ST6GALNAC3: variants seen among roughly 807,000 people sequenced by gnomAD.
ST6GALNAC3 encodes the protein alpha-N-acetylgalactosaminide alpha-2,6-sialyltransferase 3.
Under a neutral mutation model 32.7 loss-of-function variants are expected in ST6GALNAC3, and 25 were observed. The observed-to-expected ratio is 0.76, with a 90% CI of 0.56 to 1.07. The LOEUF is 1.07. ST6GALNAC3 is among the 50% of genes least tolerant of loss of function. The pLI is 0.00. For missense variants in ST6GALNAC3, 355 were observed against 382.4 expected, an observed-to-expected ratio of 0.93 and a Z score of 0.60; for synonymous variants, 129 against 133.1, an observed-to-expected ratio of 0.97 and a Z score of 0.21.
intron 1 of ST6GALNAC3, among the ~76,000 whole-genome samples, chr1:76,204,040 C>T (rs929858747): frequency 1.3e-5 from 2 of 152,074 alleles, no homozygotes; most frequent in South Asian, 4.1e-4. Flanking sequence ...CTTTGTTTAT[C>T]CCCTTACCCC....
intron 1 of ST6GALNAC3, among the ~76,000 whole-genome samples, chr1:76,312,032 TG>T (rs1428704472): frequency 3.9e-5 from 6 of 152,322 alleles, no homozygotes; most frequent in African/African-American, 1.4e-4. Flanking sequence ...TAATGAATAG[TG>T]ATGATGACCT....
At chr1:76,472,557 T>G (rs1232405542) in intron 3 of ST6GALNAC3, among the ~76,000 whole-genome samples, 2 of 152,116 alleles carry the variant, frequency 1.3e-5, no homozygotes, top group Non-Finnish European at 2.9e-5. Context: ...AAACCCAGAC[T>G]CTGCTACTCA....
intron 3 of ST6GALNAC3, among the ~76,000 whole-genome samples, chr1:76,574,733 G>T: frequency 6.6e-6 from 1 of 152,058 alleles, no homozygotes; most frequent in East Asian, 1.9e-4. Flanking sequence ...GCCCTGAAAG[G>T]GTCTAAGGTG....
intron 2 of ST6GALNAC3, among the ~76,000 whole-genome samples, chr1:76,341,607 TTC>T (rs1456201682): frequency 7.8e-4 from 44 of 56,730 alleles, no homozygotes; most frequent in African/African-American, 3.3e-3. Context: ...CAAACTGCTT[TTC>T]TTTCTTTCTT....
intron 1 of ST6GALNAC3, among the ~76,000 whole-genome samples, chr1:76,271,591 A>G (rs986341008): frequency 6.6e-6 from 1 of 152,256 alleles, no homozygotes; most frequent in African/African-American, 2.4e-5. Context: ...CTATCTGGAA[A>G]GTCTAGCAGA....
chr1:76,202,303 T>TGTAC (rs398069496), intron 1 of ST6GALNAC3, among the ~76,000 whole-genome samples: 3 of 148,616 alleles, frequency 2.0e-5, no homozygotes, highest in Non-Finnish European at 4.5e-5. Flanking sequence ...TGTGTGTGTG[T>TGTAC]ATGTACATAC....
intron 3 of ST6GALNAC3, among the ~76,000 whole-genome samples, chr1:76,609,765 T>C (rs1647797963): frequency 6.6e-6 from 1 of 152,190 alleles, no homozygotes; most frequent in African/African-American, 2.4e-5. Context: ...ACCCTTCATT[T>C]CCAAATATTA....
intron 1 of ST6GALNAC3, among the ~76,000 whole-genome samples, chr1:76,135,140 CAA>C (rs758939947): frequency 1.5e-5 from 2 of 130,054 alleles, no homozygotes; most frequent in Admixed American, 7.7e-5. Context: ...AGACTCTGCT[CAA>C]AAAAAAAAAA....
At chr1:76,496,378 G>C (rs749585992) in intron 3 of ST6GALNAC3, among the ~76,000 whole-genome samples, 2 of 152,278 alleles carry the variant, frequency 1.3e-5, no homozygotes, top group East Asian at 1.9e-4. Flanking sequence ...CCCATACCGG[G>C]CATTCTGGCT....
chr1:76,469,324 C>A (rs1658866168), intron 3 of ST6GALNAC3, among the ~76,000 whole-genome samples: 1 of 151,980 alleles, frequency 6.6e-6, no homozygotes, highest in Admixed American at 6.6e-5. Context: ...TCTAATAGTA[C>A]AGAACATAGC....
At chr1:76,255,645 A>G (rs2100711321) in intron 1 of ST6GALNAC3, among the ~76,000 whole-genome samples, 1 of 152,202 alleles carries the variant, frequency 6.6e-6, no homozygotes. Context: ...TTAGTGTCTT[A>G]TGCCCTATAT....
intron 3 of ST6GALNAC3, among the ~76,000 whole-genome samples, chr1:76,447,795 G>A (rs1657091499): frequency 6.6e-6 from 1 of 152,176 alleles, no homozygotes; most frequent in South Asian, 2.1e-4. Context: ...CTCAAGAATT[G>A]AGGTTTGGGA....
At chr1:76,404,222 TG>T (rs2101236306) in intron 2 of ST6GALNAC3, among the ~76,000 whole-genome samples, 1 of 152,212 alleles carries the variant, frequency 6.6e-6, no homozygotes, top group East Asian at 1.9e-4. Context: ...TTATCAAATC[TG>T]TCTTTTTATG....
At chr1:76,261,126 A>G (rs894085426) in intron 1 of ST6GALNAC3, among the ~76,000 whole-genome samples, 2 of 152,122 alleles carry the variant, frequency 1.3e-5, no homozygotes, top group African/African-American at 4.8e-5. Context: ...TAGTGTTATT[A>G]TTAACTATTA....
chr1:76,167,195 G>A (rs1274348244), intron 1 of ST6GALNAC3, among the ~76,000 whole-genome samples: 1 of 152,160 alleles, frequency 6.6e-6, no homozygotes, highest in Non-Finnish European at 1.5e-5. Context: ...TTTATCGAGA[G>A]TTTTTAACAT....
At chr1:76,416,572 T>C (rs1420260164) in intron 3 of ST6GALNAC3, among the ~76,000 whole-genome samples, 1 of 151,592 alleles carries the variant, frequency 6.6e-6, no homozygotes, top group Non-Finnish European at 1.5e-5. Context: ...AAAAAAAATA[T>C]AGCCCTTCCG....
chr1:76,367,117 A>G (rs1204143607), intron 2 of ST6GALNAC3, among the ~76,000 whole-genome samples: 1 of 152,232 alleles, frequency 6.6e-6, no homozygotes, highest in African/African-American at 2.4e-5. Context: ...TGAAGAAAAT[A>G]GGAGTTAATA....
Position 76,630,916 on chromosome 1 carries a change from A to G in ST6GALNAC3, c.*2110A>G. On this transcript the variant is annotated 3_prime_UTR_variant, in exon 5 of 5. Coordinates refer to ENST00000328299, the MANE Select transcript of ST6GALNAC3 (RefSeq NM_152996.4). ...AGACTGTTTTTCCCCCTGTTGTTTC[A>G]CTTTAAAATAAAAAGAAATCCTTGA... 1 of 985,536 alleles carries G rather than the reference A, an allele frequency of 1.0e-6. No individual in the cohort carries two copies. Among genetic ancestry groups the G allele is most frequent in the South Asian group, 4.7e-5 (1 of 21,286 alleles). 61.0% of individuals were successfully genotyped at this position (985,536 alleles called of 1,614,324 possible).
At chr1:76,157,720 G>A (rs1651547892) in intron 1 of ST6GALNAC3, among the ~76,000 whole-genome samples, 2 of 152,050 alleles carry the variant, frequency 1.3e-5, no homozygotes, top group South Asian at 4.1e-4. Context: ...TTTCACAAAT[G>A]CATAATATTA....
Sources: gnomAD v4.1 joint callset for allele counts (sites outside exome capture counted in the v4.1 genomes callset) on GRCh38, gnomAD v4.1.1 for gene constraint, MANE v1.5 for transcripts, NCBI Gene and HGNC (gene_info 2026-07-23, HGNC 2026-07-21) for gene names.